Variants in CIAO3 observed in about 807,000 individuals in gnomAD.
CIAO3 encodes the protein cytosolic iron-sulfur assembly component 3, also known as LET1 like/JFP15.
CIAO3 carries 45 observed loss-of-function variants against 51.5 expected under a neutral mutation model. That is an observed-to-expected ratio of 0.87 (90% CI 0.69 to 1.12). CIAO3 has a LOEUF of 1.12. Ranked by LOEUF, CIAO3 falls within the 50% of genes most tolerant of loss-of-function variation. The pLI is 0.00. For synonymous variants in CIAO3, 314 were observed against 269.3 expected (o/e 1.17, Z -1.63); for missense variants, 668 against 632.5 (o/e 1.06, Z -0.60).
rs1042275157 is a variant in CIAO3, at chr16:731,337, G to A, written c.1034+228C>T. ...TGCCCATGCTGGCCTCTCGGGCTCA[G>A]GGTCACCATCCCCCACAATGGGCCG... On this transcript the variant is annotated intron_variant, in intron 9 of 10. Coordinates refer to ENST00000251588, the MANE Select transcript of CIAO3 (RefSeq NM_022493.3). The A allele has an allele frequency of 2.5e-5, 16 of 646,278 alleles. No homozygotes were observed. The Admixed American group carries it at 5.0e-4, about 20-fold the overall frequency. The allele number at this position is 646,278 out of a possible 1,614,324, so 40.0% of individuals were successfully genotyped here. A position where few individuals can be genotyped will look rare whatever the true frequency, so the allele number is the denominator to read the frequency against.
rs2041352296 is a variant in CIAO3, at chr16:737,579, C to A, written c.163-250G>T. The A allele has an allele frequency of 6.8e-7, 1 of 1,460,990 alleles. No individual in the cohort carries two copies. The highest frequency in any genetic ancestry group is 1.2e-5 in the South Asian group (1 of 82,576). The allele number at this position is 1,460,990 out of a possible 1,614,324, so 90.5% of individuals were successfully genotyped here. ...ATCCGAATCACAGGACTAAGGCTTG[C>A]CACTGGTATCTCAGCAAAGCAGCAG... On this transcript the variant is annotated intron_variant, in intron 2 of 10. Transcript: ENST00000251588. The surrounding 1 kb of genome is among the most constrained non-coding windows in gnomAD (Gnocchi z 5.3).
At chr16:736,170 G>A (rs2041335040) in intron 4 of CIAO3, 96 bp downstream of exon 4, 2 of 1,481,352 alleles carry the variant, frequency 1.4e-6, no homozygotes, top group South Asian at 1.2e-5. Flanking sequence ...TCAGGGCTGG[G>A]TAGCGTGTCA....
chr16:729,798 CTGGGAG>C lies in CIAO3; in HGVS notation c.*613_*618del. The C allele has an allele frequency of 9.2e-7, 1 of 1,083,614 alleles. No homozygotes were observed. The highest frequency in any genetic ancestry group is 1.2e-6 in the Non-Finnish European group (1 of 818,580). 67.1% of individuals were successfully genotyped at this position (1,083,614 alleles called of 1,614,324 possible). A position where few individuals can be genotyped will look rare whatever the true frequency, so the allele number is the denominator to read the frequency against. On this transcript the variant is annotated 3_prime_UTR_variant, in exon 11 of 11. Coordinates refer to ENST00000251588, the MANE Select transcript of CIAO3 (RefSeq NM_022493.3). ...GAGGGGTGCGTTTATTAGACAAACG[CTGGGAG>C]ACAGGCCTGGTGGGGACCTGGCTGG...
rs1452685069 is a variant in CIAO3, at chr16:740,975, G to A, written c.11C>T (p.Pro4Leu). 2 of 1,511,006 alleles carry A rather than the reference G, an allele frequency of 1.3e-6. No individual in the cohort carries two copies. Among genetic ancestry groups the A allele is most frequent in the Non-Finnish European group, 1.8e-6 (2 of 1,132,868 alleles). 93.6% of individuals were successfully genotyped at this position (1,511,006 alleles called of 1,614,324 possible). Residue 4 changes from proline to leucine, a missense_variant, in exon 1 of 11, where the codon CCC becomes CTC. Pro to Leu is a moderately conservative substitution (Grantham distance 98). Transcript: ENST00000251588. ...CGTCAGCTGCAGCGCCCCGCTGAAG[G>A]GCGACGCCATGACGGCCGCACTGCC... MAS[P>L]FSGALQLTDL...
At position 734,796 on chromosome 16, in the gene CIAO3, C is replaced by T. The variant is rs1719170096; in HGVS notation, c.515G>A (p.Arg172Gln). 6.8e-6 allele frequency: 11 copies of T among 1,607,830 alleles called. No homozygotes were observed. Among genetic ancestry groups the T allele is most frequent in the South Asian group, 2.2e-5 (2 of 90,872 alleles). The change falls in exon 5 of 11, where the codon CGA (arginine) becomes CAA (glutamine). Residue 172 changes from arginine to glutamine, a missense_variant. Coordinates refer to ENST00000251588, the MANE Select transcript of CIAO3 (RefSeq NM_022493.3). ...LLESQREFVRRFRGQADCRQA... is the reference protein window; with the variant it reads ...LLESQREFVRQFRGQADCRQA... The stretch of plus-strand genomic sequence containing the variant: ...TCTGCAGTCGGCCTGTCCTCGGAAT[C>T]GCCGCACAAACTCTCGCTGGCTCTC...
intron 6 of CIAO3, chr16:733,673 G>A: frequency 1.9e-6 from 1 of 532,214 alleles, no homozygotes; most frequent in South Asian, 2.0e-5. Context: ...AAGTCCAGCG[G>A]AGGAGAAGTG....
chr16:740,686 C>T (rs1826304589), intron 1 of CIAO3: 5 of 549,268 alleles, frequency 9.1e-6, no homozygotes, highest in Non-Finnish European at 1.3e-5. Context: ...CCATGGGGCA[C>T]AGGAGCGGGT....
rs1311999900 is a variant in CIAO3 at position 731,123 on chromosome 16, C to T, written c.1035-123G>A. ...ACCTCCCAGGGCTCTCTCCCTCTCT[C>T]CTGGGCAGAGGGAAGGACAAGAACG... On this transcript the variant is annotated intron_variant, in intron 9 of 10. Coordinates refer to ENST00000251588, the MANE Select transcript of CIAO3 (RefSeq NM_022493.3). 6 of 1,287,698 alleles carry T rather than the reference C, an allele frequency of 4.7e-6. No homozygotes were observed. In the East Asian group the frequency reaches 1.2e-4, roughly 26 times the overall value. 79.8% of individuals were successfully genotyped at this position (1,287,698 alleles called of 1,614,324 possible). A position where few individuals can be genotyped will look rare whatever the true frequency, so the allele number is the denominator to read the frequency against.
In CIAO3 at chr16:731,923, C is replaced by T. The variant is rs147332412; in HGVS notation, c.897-221G>A. ...TTGCTCTGTCGCCCAGGCTGGAGTG[C>T]AGTGGCGTGATCTTGGCTCACTGCA... On this transcript the variant is annotated intron_variant, in intron 8 of 10. Coordinates refer to ENST00000251588, the MANE Select transcript of CIAO3 (RefSeq NM_022493.3). 2.6e-3 allele frequency: 1,614 copies of T among 617,180 alleles called. 19 individuals carry two copies. In the African/African-American group the frequency reaches 0.027, roughly 10 times the overall value. The allele number at this position is 617,180 out of a possible 1,614,324, so 38.2% of individuals were successfully genotyped here.
chr16:732,699 C>G, intron 7 of CIAO3: 1 of 384,822 alleles, frequency 2.6e-6, no homozygotes, highest in Non-Finnish European at 5.0e-6. Context: ...TGCAATGGTA[C>G]GATCTCGGCT....
chr16:730,484 C>T lies in CIAO3; in HGVS notation c.1364G>A (p.Gly455Asp). The change falls in exon 11 of 11, where the codon GGT becomes GAT. Residue 455 changes from glycine to aspartate, a missense_variant. Transcript: ENST00000251588. ...GTGGTACTGCGTATGCAGCAAGCGA[C>T]CTGCACACTCCGAGTCCGTGCCCTG... The part of the protein sequence containing the change: ...WLQGTDSECA[G>D]RLLHTQYHAV... 1.2e-6 allele frequency: 2 copies of T among 1,609,176 alleles called. No homozygotes were observed. Among genetic ancestry groups the T allele is most frequent in the South Asian group, 2.2e-5 (2 of 91,090 alleles).
Position 734,284 on chromosome 16 carries a change from C to A in CIAO3, c.638G>T (p.Arg213Leu), listed in dbSNP as rs780075131. Residue 213 changes from arginine (R) to leucine (L), a missense_variant, in exon 6 of 11, where the codon CGG (arginine) becomes CTG (leucine). Transcript: ENST00000251588. ...SFILPHISTA[R>L]SPQQVMGSLV... ...GGAGCCCATGACCTGCTGCGGGGAC[C>A]GGGCGGTGCTGATGTGGGGGAGGAT... 1 of 1,612,060 alleles carries A rather than the reference C, an allele frequency of 6.2e-7. No homozygotes were observed. Among genetic ancestry groups the A allele is most frequent in the Admixed American group, 1.7e-5 (1 of 60,018 alleles).
At position 739,412 on chromosome 16, in the gene CIAO3, A is replaced by G. The variant is rs2041369932; in HGVS notation, c.162+231T>C. 1.2e-5 allele frequency: 7 copies of G among 574,526 alleles called. 1 individual carries two copies. Among genetic ancestry groups the G allele is most frequent in the South Asian group, 1.0e-4 (5 of 49,560 alleles). 35.6% of individuals were successfully genotyped at this position (574,526 alleles called of 1,614,324 possible). A position where few individuals can be genotyped will look rare whatever the true frequency, so the allele number is the denominator to read the frequency against. On this transcript the variant is annotated intron_variant, in intron 2 of 10. Coordinates refer to ENST00000251588, the MANE Select transcript of CIAO3 (RefSeq NM_022493.3). ...CAGACAGGATCCACCATCTCTGCAA[A>G]TAGCCCCTCTGCTGAGCAGATCAAG...
chr16:740,852 G>C, intron 1 of CIAO3, 68 bp downstream of exon 1: 1 of 1,427,898 alleles, frequency 7.0e-7, no homozygotes, highest in Non-Finnish European at 9.5e-7. Context: ...GTGGGGCGCA[G>C]AGCAATTTCC....
chr16:732,545 C>G (rs1215033166), intron 7 of CIAO3, 172 bp from the exon 8 acceptor site: 3 of 744,390 alleles, frequency 4.0e-6, no homozygotes. Flanking sequence ...TGAAGCCCCT[C>G]TGGAGGCTGC....
chr16:731,737 G>C (rs745815237), intron 8 of CIAO3, 35 bp from the exon 9 acceptor site: 7 of 1,509,418 alleles, frequency 4.6e-6, no homozygotes, highest in Middle Eastern at 1.8e-4. Context: ...CACAGCTGGG[G>C]CTGCTGCCTG....
chr16:730,407 C>A lies in CIAO3; in HGVS notation c.*10G>T, dbSNP rs762906827. 1.9e-6 allele frequency: 3 copies of A among 1,598,360 alleles called. No individual in the cohort carries two copies. The East Asian group carries it at 6.7e-5, about 36-fold the overall frequency. Reference sequence around the variant, plus strand: ...GACACGGCCTCCTGGGAGTCCTGGTCCTGCAGCCCCTACCACCGGATGCCC... The same window carrying A: ...GACACGGCCTCCTGGGAGTCCTGGTACTGCAGCCCCTACCACCGGATGCCC... On this transcript the variant is annotated 3_prime_UTR_variant, in exon 11 of 11. Coordinates refer to ENST00000251588, the MANE Select transcript of CIAO3 (RefSeq NM_022493.3).
rs964694853 is a variant in CIAO3 at position 739,459 on chromosome 16, C to T, written c.162+184G>A. 11 of 634,020 alleles carry T rather than the reference C, an allele frequency of 1.7e-5. No homozygotes were observed. The South Asian group carries it at 2.0e-4, about 11-fold the overall frequency. The allele number at this position is 634,020 out of a possible 1,614,324, so 39.3% of individuals were successfully genotyped here. On this transcript the variant is annotated intron_variant, in intron 2 of 10. Transcript: ENST00000251588. ...CAAGCTGTTTGGCCTGGGTGCTGCTCATTCACCTGCCCCAGGCACCCTGAC... is the reference window on the plus strand; with the variant it reads ...CAAGCTGTTTGGCCTGGGTGCTGCTTATTCACCTGCCCCAGGCACCCTGAC...
chr16:734,155 T>C, intron 6 of CIAO3, 74 bp downstream of exon 6: 2 of 1,332,804 alleles, frequency 1.5e-6, no homozygotes, highest in Non-Finnish European at 2.1e-6. Flanking sequence ...TCCTGCAGCC[T>C]CATGGCAAGA....
Sources: allele counts gnomAD v4.1 joint callset, GRCh38; gene constraint gnomAD v4.1.1; non-coding constraint Gnocchi (gnomAD v3.1); transcripts MANE v1.5; gene names NCBI Gene and HGNC (gene_info 2026-07-23, HGNC 2026-07-21).